Variants in ZNF821 observed in about 807,000 individuals in gnomAD.
ZNF821 encodes zinc finger protein 821.
In ZNF821, 16 loss-of-function variants were observed where a neutral mutation model predicts 44.3. The ratio of observed to expected loss-of-function variants is 0.36; its 90% CI spans 0.24 to 0.55. ZNF821 has a LOEUF of 0.55. Among genes scored for constraint, ZNF821 ranks in the 20% least tolerant of loss-of-function variants. ZNF821 has a pLI of 0.86. For synonymous variants in ZNF821, 204 were observed against 197.6 expected, an observed-to-expected ratio of 1.03 and a Z score of -0.27; for missense variants, 436 against 547.6, an observed-to-expected ratio of 0.80 and a Z score of 2.03.
intron 3 of ZNF821, among the ~76,000 whole-genome samples, chr16:71,876,505 C>T (rs1450023164): frequency 6.6e-6 from 1 of 151,966 alleles, no homozygotes; most frequent in Non-Finnish European, 1.5e-5. Context: ...TGTGCCCGGC[C>T]ACTTGTGTCT....
At chr16:71,866,636 T>C (rs191289177) in intron 4 of ZNF821, among the ~76,000 whole-genome samples, 26 of 152,370 alleles carry the variant, frequency 1.7e-4, no homozygotes, top group Middle Eastern at 6.8e-3. Context: ...AAATGTGTAC[T>C]GTCTAGAGGG....
At chr16:71,894,609 G>T (rs1013604764) in intron 1 of ZNF821, 7 of 483,406 alleles carry the variant, frequency 1.4e-5, no homozygotes, top group Non-Finnish European at 2.6e-5. Flanking sequence ...TACTGCAGCA[G>T]CGACCTTCTG....
chr16:71,894,837 G>C (rs1393332515), intron 1 of ZNF821: 1 of 1,533,664 alleles, frequency 6.5e-7, no homozygotes, highest in Non-Finnish European at 8.7e-7. Context: ...CAGCGATAAT[G>C]GTTTTCAAGT....
At chr16:71,868,772 C>T (rs531254932) in intron 3 of ZNF821, among the ~76,000 whole-genome samples, 1 of 151,384 alleles carries the variant, frequency 6.6e-6, no homozygotes, top group Non-Finnish European at 1.5e-5. Context: ...GAGAGAGTCT[C>T]ACTCTGTCAC....
At chr16:71,879,353 C>G (rs1185046565) in intron 3 of ZNF821, among the ~76,000 whole-genome samples, 1 of 151,818 alleles carries the variant, frequency 6.6e-6, no homozygotes, top group Non-Finnish European at 1.5e-5. Flanking sequence ...TTTTTCAAAT[C>G]CATTTTCTAC....
At chr16:71,893,555 G>C (rs1459237962) in intron 1 of ZNF821, among the ~76,000 whole-genome samples, 1 of 150,990 alleles carries the variant, frequency 6.6e-6, no homozygotes, top group Non-Finnish European at 1.5e-5. Context: ...CGCCTCCCAG[G>C]TTCAAGCGAT....
At chr16:71,883,497 A>G in intron 1 of ZNF821, 1 of 236,082 alleles carries the variant, frequency 4.2e-6, no homozygotes, top group Non-Finnish European at 8.6e-6. Flanking sequence ...CAATCTCCGA[A>G]ATCTAAATTT....
chr16:71,867,498 C>T (rs551900192), intron 4 of ZNF821, among the ~76,000 whole-genome samples: 4 of 152,144 alleles, frequency 2.6e-5, no homozygotes, highest in South Asian at 2.1e-4. Flanking sequence ...ACCAGCCTGA[C>T]CAACATGGAG....
At chr16:71,872,438 C>T (rs908559700) in intron 3 of ZNF821, among the ~76,000 whole-genome samples, 1 of 151,820 alleles carries the variant, frequency 6.6e-6, no homozygotes, top group Non-Finnish European at 1.5e-5. Flanking sequence ...ACAGTGAAAC[C>T]CCGTCTCTAC....
At chr16:71,889,979 A>G (rs945474997) in intron 1 of ZNF821, among the ~76,000 whole-genome samples, 5 of 152,116 alleles carry the variant, frequency 3.3e-5, no homozygotes, top group African/African-American at 4.8e-5. Context: ...CAAAAACAAA[A>G]ACAAAAAAAT....
intron 4 of ZNF821, among the ~76,000 whole-genome samples, chr16:71,867,710 TA>T (rs2034712410): frequency 6.6e-6 from 1 of 151,694 alleles, no homozygotes. Flanking sequence ...TATATATATA[TA>T]AATAAAATGC....
intron 3 of ZNF821, among the ~76,000 whole-genome samples, chr16:71,877,097 A>G (rs752220766): frequency 6.6e-6 from 1 of 152,176 alleles, no homozygotes; most frequent in Non-Finnish European, 1.5e-5. Context: ...CGGGACTTAA[A>G]TAGAAGAAAG....
chr16:71,867,387 G>A (rs1471160567), intron 4 of ZNF821, among the ~76,000 whole-genome samples: 1 of 152,016 alleles, frequency 6.6e-6, no homozygotes, highest in Non-Finnish European at 1.5e-5. Flanking sequence ...TAGTCCATAA[G>A]TTAAAAATAT....
intron 3 of ZNF821, among the ~76,000 whole-genome samples, chr16:71,874,420 CCCCAGACCT>C (rs778223830): frequency 4.0e-4 from 61 of 152,156 alleles, no homozygotes; most frequent in Middle Eastern, 6.8e-3. Context: ...CTTTCCTGCC[CCCCAGACCT>C]TGAGTCCATT....
rs1166877942 is a variant in ZNF821 at position 71,864,979 on chromosome 16, C to T, written c.236G>A (p.Gly79Glu). 4.3e-6 allele frequency: 7 copies of T among 1,614,092 alleles called. No individual in the cohort carries two copies. The highest frequency in any genetic ancestry group is 5.9e-6 in the Non-Finnish European group (7 of 1,180,054). Residue 79 changes from glycine to glutamate, a missense_variant, in exon 5 of 8, where the codon GGA (glycine) becomes GAA (glutamate). Gly to Glu is a moderately conservative substitution (Grantham distance 98, BLOSUM62 -2). Transcript: ENST00000425432. ...CTCTTTCTCCACTTTGACCACCCCT[C>T]CATCTTCCTCTGATGTGTGGGAAGA... ...EVSSHTSEEDGGVVKVEKELE... is the reference protein window; with the variant it reads ...EVSSHTSEEDEGVVKVEKELE...
At chr16:71,872,862 T>C (rs2035369155) in intron 3 of ZNF821, among the ~76,000 whole-genome samples, 1 of 152,244 alleles carries the variant, frequency 6.6e-6, no homozygotes, top group Non-Finnish European at 1.5e-5. Flanking sequence ...AAGCTTTTAG[T>C]TGAAGTTGAA....
chr16:71,859,980 T>C lies in ZNF821; in HGVS notation c.*38A>G. ...GTGGCTGTGGGTGTGGGTGGGTGGG[T>C]AGGTAGGTGGGAAGGAGGGCAGGCA... On this transcript the variant is annotated 3_prime_UTR_variant, in exon 8 of 8. Coordinates refer to ENST00000425432, the MANE Select transcript of ZNF821 (RefSeq NM_001201552.2). 6.7e-7 allele frequency: 1 copy of C among 1,481,776 alleles called. No individual in the cohort carries two copies. The highest frequency in any genetic ancestry group is 9.0e-7 in the Non-Finnish European group (1 of 1,112,942). 91.8% of individuals were successfully genotyped at this position (1,481,776 alleles called of 1,614,324 possible).
intron 3 of ZNF821, among the ~76,000 whole-genome samples, chr16:71,875,800 T>TA (rs1446735269): frequency 1.3e-5 from 2 of 152,194 alleles, no homozygotes; most frequent in Non-Finnish European, 2.9e-5. Context: ...GGTTTCACCA[T>TA]GTTGTCCAGG....
Position 71,867,991 on chromosome 16 carries a change from C to T in ZNF821, c.87G>A (p.Met29Ile). The change falls in exon 4 of 8, where the codon ATG becomes ATA. Residue 29 changes from methionine to isoleucine, a missense_variant. Transcript: ENST00000425432. ...GGTCTCCAGGAAAATCAGTTTTCAT[C>T]ATCGCCTGGCGGGCTTGCTCTTCTA... ...AGLEEQARQA[M>I]MKTDFPGDLG... 2 of 1,536,024 alleles carry T rather than the reference C, an allele frequency of 1.3e-6. No homozygotes were observed. The highest frequency in any genetic ancestry group is 1.7e-6 in the Non-Finnish European group (2 of 1,146,844).
Sources: allele counts gnomAD v4.1 joint callset (sites outside exome capture counted in the v4.1 genomes callset), GRCh38; gene constraint gnomAD v4.1.1; transcripts MANE v1.5; gene names NCBI Gene and HGNC (gene_info 2026-07-23, HGNC 2026-07-21).